Variants in CCDC66 observed in about 807,000 individuals in gnomAD.
CCDC66 encodes coiled-coil domain containing 66.
CCDC66 carries 133 observed loss-of-function variants against 128.3 expected under a neutral mutation model. That is an observed-to-expected ratio of 1.04 (90% CI 0.90 to 1.20). The LOEUF is 1.20. CCDC66 is among the 50% of genes most tolerant of loss of function. The pLI, the probability that CCDC66 is intolerant of heterozygous loss-of-function variation, is 0.00. For synonymous variants in CCDC66, 387 were observed against 357.0 expected (o/e 1.08, Z -0.95); for missense variants, 1,126 against 1,075.5 (o/e 1.05, Z -0.66).
intron 15 of CCDC66, chr3:56,618,445 C>A: frequency 2.3e-6 from 1 of 437,794 alleles, no homozygotes; most frequent in Non-Finnish European, 4.1e-6. Flanking sequence ...ACTTTTATCT[C>A]TAGACTTAAC....
chr3:56,602,587 C>T (rs1309081778), intron 10 of CCDC66, among the ~76,000 whole-genome samples: 3 of 151,942 alleles, frequency 2.0e-5, no homozygotes, highest in Non-Finnish European at 4.4e-5. Flanking sequence ...TAGAATTCTG[C>T]TGTGAATCCG....
chr3:56,590,962 T>C (rs2070779186), intron 7 of CCDC66, among the ~76,000 whole-genome samples: 1 of 152,148 alleles, frequency 6.6e-6, no homozygotes, highest in Admixed American at 6.5e-5. Flanking sequence ...GTGTGTCTTG[T>C]GTTATACACA....
chr3:56,590,264 G>T (rs745829926), intron 7 of CCDC66, among the ~76,000 whole-genome samples: 1 of 152,158 alleles, frequency 6.6e-6, no homozygotes, highest in Non-Finnish European at 1.5e-5. Context: ...TACATGAAAT[G>T]GAAACAGGCA....
rs2071394384 is a variant in CCDC66, at chr3:56,593,974, C to T, written c.1350C>T (p.Asp450=). 2 of 1,613,998 alleles carry T rather than the reference C, an allele frequency of 1.2e-6. No homozygotes were observed. Among genetic ancestry groups the T allele is most frequent in the African/African-American group, 2.7e-5 (2 of 74,894 alleles). ...NFLRSMTALL[D]PAQIEERDRR... ...TCCGTTCTATGACTGCTCTCTTGGA[C>T]CCAGCTCAGATTGAGGAACGAGACA... The change falls in exon 10 of 18, where the codon GAC becomes GAT. Residue 450 remains aspartate (D), a synonymous_variant. Transcript: ENST00000394672.
At chr3:56,602,083 C>A (rs2073269611) in intron 10 of CCDC66, among the ~76,000 whole-genome samples, 2 of 152,138 alleles carry the variant, frequency 1.3e-5, no homozygotes, top group African/African-American at 4.8e-5. Context: ...TTTGCCCATT[C>A]AGTATGATAT....
intron 9 of CCDC66, 45 bp from the exon 10 acceptor site, chr3:56,593,899 C>A: frequency 6.3e-7 from 1 of 1,599,506 alleles, no homozygotes; most frequent in Non-Finnish European, 8.6e-7. Context: ...CTTGTTGAAT[C>A]TACCTTTTTG....
In CCDC66 at chr3:56,566,730, A is replaced by G. The variant is rs781727919; in HGVS notation, c.681A>G (p.Thr227=). 1 of 1,612,816 alleles carries G rather than the reference A, an allele frequency of 6.2e-7. No homozygotes were observed. Among genetic ancestry groups the G allele is most frequent in the African/African-American group, 1.3e-5 (1 of 75,006 alleles). The change falls in exon 5 of 18, where the codon ACA becomes ACG. Residue 227 remains threonine (T), a synonymous_variant. Coordinates refer to ENST00000394672, the MANE Select transcript of CCDC66 (RefSeq NM_001141947.3). ...NKSVLNEHQE[T]SKQCEQKIAI... is the part of the protein sequence containing the mutation. ...CTGTCTTAAATGAACATCAGGAGAC[A>G]TCTAAACAGTGTGAGCAAAAAATTG... is the stretch of plus-strand genomic sequence containing the variant.
intron 16 of CCDC66, 88 bp from the exon 17 acceptor site, chr3:56,619,689 A>C: frequency 6.6e-7 from 1 of 1,518,032 alleles, no homozygotes. Context: ...CATACTTATT[A>C]TAATGACTCC....
chr3:56,593,167 T>C (rs972099687), intron 8 of CCDC66, 66 bp downstream of exon 8: 1 of 1,294,022 alleles, frequency 7.7e-7, no homozygotes, highest in African/African-American at 1.5e-5. Context: ...CAATTAAAAC[T>C]AGAAGTATTC....
intron 6 of CCDC66, chr3:56,570,606 G>A (rs548239184): frequency 7.2e-5 from 12 of 167,118 alleles, no homozygotes; most frequent in Middle Eastern, 2.9e-3. Flanking sequence ...AAAATTAGCC[G>A]GGCGTGGTGG....
At chr3:56,612,986 C>T (rs983968564) in intron 10 of CCDC66, among the ~76,000 whole-genome samples, 6 of 152,116 alleles carry the variant, frequency 3.9e-5, no homozygotes, top group African/African-American at 1.4e-4. Flanking sequence ...AGCTCTGCTA[C>T]TAGGGAGGGT....
At chr3:56,565,453 T>C (rs936061278) in intron 4 of CCDC66, among the ~76,000 whole-genome samples, 4 of 149,438 alleles carry the variant, frequency 2.7e-5, no homozygotes, top group South Asian at 2.1e-4. Flanking sequence ...TTTTTTTTTT[T>C]TTCTTTTTTT....
At position 56,615,918 on chromosome 3, in the gene CCDC66, C is replaced by T. The variant is rs1559769619; in HGVS notation, c.1712-4C>T. The T allele has an allele frequency of 6.3e-7, 1 of 1,586,478 alleles. No homozygotes were observed. The highest frequency in any genetic ancestry group is 8.6e-7 in the Non-Finnish European group (1 of 1,165,764). On this transcript the variant is annotated splice_polypyrimidine_tract_variant and splice_region_variant and intron_variant, in intron 12 of 17. Coordinates refer to ENST00000394672, the MANE Select transcript of CCDC66 (RefSeq NM_001141947.3). ...TGTTTTATCAGGTGATTTCTCTTTG[C>T]CAGTTGATACAATACAAATGGAATA... is the stretch of plus-strand genomic sequence containing the variant.
chr3:56,582,945 C>T (rs1029813936), intron 7 of CCDC66, among the ~76,000 whole-genome samples: 11 of 150,240 alleles, frequency 7.3e-5, no homozygotes, highest in African/African-American at 1.2e-4. Flanking sequence ...GGCACAATCA[C>T]GGCTAACTGC....
At chr3:56,598,108 A>G (rs564134824) in intron 10 of CCDC66, among the ~76,000 whole-genome samples, 4 of 150,710 alleles carry the variant, frequency 2.7e-5, no homozygotes, top group South Asian at 2.1e-4. Flanking sequence ...AGATGATAAC[A>G]TCAGCAAAGG....
intron 7 of CCDC66, chr3:56,572,371 G>A (rs1475949487): frequency 7.8e-7 from 1 of 1,289,538 alleles, no homozygotes; most frequent in African/African-American, 1.5e-5. Flanking sequence ...TCGTAGCCAG[G>A]TTATGGTGGT....
At chr3:56,620,151 T>C (rs2076200169) in intron 17 of CCDC66, 1 of 241,354 alleles carries the variant, frequency 4.1e-6, no homozygotes, top group Non-Finnish European at 7.9e-6. Context: ...GACAAGTTTA[T>C]TGAGTAAAAA....
chr3:56,613,814 T>A, intron 11 of CCDC66, 64 bp downstream of exon 11: 1 of 1,376,976 alleles, frequency 7.3e-7, no homozygotes, highest in Non-Finnish European at 1.0e-6. Flanking sequence ...AGGGTCTCAC[T>A]CTTTTGCCCA....
chr3:56,593,592 G>T lies in CCDC66; in HGVS notation c.1170G>T (p.Glu390Asp), dbSNP rs776454639. 6.2e-7 allele frequency: 1 copy of T among 1,614,078 alleles called. No individual in the cohort carries two copies. Among genetic ancestry groups the T allele is most frequent in the African/African-American group, 1.3e-5 (1 of 74,944 alleles). ...LFSQSTHKQP[E>D]YFCVSPDTQE... Reference sequence around the variant, plus strand: ...CTCAGTCAACACACAAACAACCTGAGTACTTCTGTGTCTCTCCTGACACTC... The same window carrying T: ...CTCAGTCAACACACAAACAACCTGATTACTTCTGTGTCTCTCCTGACACTC... The change falls in exon 9 of 18, where the codon GAG (glutamate) becomes GAT (aspartate). Residue 390 changes from glutamate (E) to aspartate (D), a missense_variant. Physicochemically the swap from Glu to Asp is conservative, Grantham distance 45 (BLOSUM62 2). Transcript: ENST00000394672.
Sources: gnomAD v4.1 joint callset for allele counts (sites outside exome capture counted in the v4.1 genomes callset) on GRCh38, gnomAD v4.1.1 for gene constraint, MANE v1.5 for transcripts, NCBI Gene and HGNC (gene_info 2026-07-23, HGNC 2026-07-21) for gene names.